The following C19orf84 variants were observed in gnomAD, a reference collection of about 807,000 sequenced individuals.
C19orf84 encodes the protein chromosome 19 open reading frame 84, also known as piRNA-mediated silencing protein C19orf84.
A neutral mutation model predicts 4.0 loss-of-function variants in C19orf84; 1 was observed. That is an observed-to-expected ratio of 0.25 (90% confidence interval 0.09 to 1.19). The LOEUF is 1.19. Ranked by LOEUF, C19orf84 falls within the 50% of genes most tolerant of loss-of-function variation. The pLI is 0.50. For synonymous variants in C19orf84, 123 were observed against 109.6 expected (o/e 1.12, Z -0.76); for missense variants, 224 against 246.8 (o/e 0.91, Z 0.62).
At chr19:51,390,449 C>T in intron 1 of C19orf84, 29 bp downstream of exon 1, 1 of 1,530,038 alleles carries the variant, frequency 6.5e-7, no homozygotes, top group African/African-American at 1.4e-5. Context: ...GTCTCTGTCC[C>T]CCTCTCAGGA....
chr19:51,388,761 G>GCC lies in C19orf84; in HGVS notation c.*222_*223insGG. 1.0e-5 allele frequency: 6 copies of GCC among 590,474 alleles called. 1 individual carries two copies. In the South Asian group the frequency reaches 1.2e-4, roughly 12 times the overall value. 36.6% of individuals were successfully genotyped at this position (590,474 alleles called of 1,614,324 possible). On this transcript the variant is annotated 3_prime_UTR_variant, in exon 2 of 2. Transcript: ENST00000574814. The stretch of plus-strand genomic sequence containing the variant: ...GGGGTTGAGGCCATCAAGGAGACAG[G>GCC]TTTGGGTACGAGGTTTAGGATTTTC...
Position 51,389,257 on chromosome 19 carries a change from C to G in C19orf84, c.288G>C (p.Pro96=), listed in dbSNP as rs557494220. The change falls in exon 2 of 2, where the codon CCG becomes CCC. Residue 96 remains proline, a synonymous_variant. Transcript: ENST00000574814. The surrounding 1 kb of genome is among the most constrained non-coding windows in gnomAD (Gnocchi z 4.7). ...CCCTGGGAGGCCTCCTAACTGCCCC[C>G]GGCTGGGAGTGGCCTGCCTGGGAGC... The part of the protein sequence containing the change: ...PCCSQAGHSQ[P]GAVRRPPRGR... 4 of 1,535,622 alleles carry G rather than the reference C, an allele frequency of 2.6e-6. No homozygotes were observed. Among genetic ancestry groups the G allele is most frequent in the Non-Finnish European group, 3.5e-6 (4 of 1,146,606 alleles).
chr19:51,390,463 CTT>C lies in C19orf84; in HGVS notation c.35+13_35+14del. ...GGTCTCTGTCCCCCTCTCAGGAGGT[CTT>C]TGTTTGTCTCACCCTTCAGGCCCAG... On this transcript the variant is annotated intron_variant, in intron 1 of 1. Transcript: ENST00000574814. 1 of 1,532,770 alleles carries C rather than the reference CTT, an allele frequency of 6.5e-7. No individual in the cohort carries two copies. Among genetic ancestry groups the C allele is most frequent in the Non-Finnish European group, 8.7e-7 (1 of 1,145,076 alleles). 94.9% of individuals were successfully genotyped at this position (1,532,770 alleles called of 1,614,324 possible).
intron 1 of C19orf84, 96 bp downstream of exon 1, chr19:51,390,382 C>A (rs1430209173): frequency 4.2e-5 from 51 of 1,227,832 alleles, no homozygotes; most frequent in Non-Finnish European, 5.5e-5. Flanking sequence ...ATTCTCTATG[C>A]AGGTCTGTTC....
In C19orf84 at chr19:51,389,671, C is replaced by T. The variant is rs930905378; in HGVS notation, c.36-162G>A. Among the ~76,000 whole-genome samples the T allele has an allele frequency of 6.6e-6, 1 of 152,192 alleles. No individual in the cohort carries two copies. The highest frequency in any genetic ancestry group is 2.4e-5 in the African/African-American group (1 of 41,444). On this transcript the variant is annotated intron_variant, in intron 1 of 1. Transcript: ENST00000574814. This position sits in a 1 kb window ranked among gnomAD's most constrained non-coding sequence, Gnocchi z 4.7. ...CGCTTCTCTCTTTTTGTTTCTAACC[C>T]GGGTCTCTCTAAAGAAACAGACAGC...
In C19orf84 at chr19:51,389,052, C is replaced by G; in HGVS notation, c.493G>C (p.Glu165Gln). 1 of 1,532,330 alleles carries G rather than the reference C, an allele frequency of 6.5e-7. No individual in the cohort carries two copies. The highest frequency in any genetic ancestry group is 8.7e-7 in the Non-Finnish European group (1 of 1,144,868). The allele number at this position is 1,532,330 out of a possible 1,614,324, so 94.9% of individuals were successfully genotyped here. ...AGGGGTGGCTCTGGACCTCGAGCTT[C>G]TTTCTTCCCATCCTGGGCAGGCAGT... ...PTLPAQDGKKEARGPEPPLET... is the reference protein window; with the variant it reads ...PTLPAQDGKKQARGPEPPLET... The change falls in exon 2 of 2, where the codon GAA becomes CAA. Residue 165 changes from glutamate (E) to glutamine (Q), a missense_variant. Glu to Gln is a conservative substitution (Grantham distance 29). Transcript: ENST00000574814. This position sits in a 1 kb window ranked among gnomAD's most constrained non-coding sequence, Gnocchi z 4.7.
At position 51,388,913 on chromosome 19, in the gene C19orf84, T is replaced by G; in HGVS notation, c.*71A>C. The G allele has an allele frequency of 3.1e-5, 45 of 1,470,234 alleles. No individual in the cohort carries two copies. Among genetic ancestry groups the G allele is most frequent in the Non-Finnish European group, 3.7e-5 (41 of 1,095,076 alleles). 91.1% of individuals were successfully genotyped at this position (1,470,234 alleles called of 1,614,324 possible). ...TTTCTTGGGGTTCTTCTGACAGGGC[T>G]GAGATCACTCTGGGCCCCAGGAAAA... is the stretch of plus-strand genomic sequence containing the variant. On this transcript the variant is annotated 3_prime_UTR_variant, in exon 2 of 2. Coordinates refer to ENST00000574814, the MANE Select transcript of C19orf84 (RefSeq NM_001193623.2).
chr19:51,390,589 G>T lies in C19orf84; in HGVS notation c.-77C>A, dbSNP rs746870046. The T allele has an allele frequency of 6.8e-7, 1 of 1,464,104 alleles. No homozygotes were observed. The highest frequency in any genetic ancestry group is 9.1e-7 in the Non-Finnish European group (1 of 1,099,120). The allele number at this position is 1,464,104 out of a possible 1,614,324, so 90.7% of individuals were successfully genotyped here. Reference sequence around the variant, plus strand: ...TTCGGGGGCCCGGGAAGGTTGGGGAGGGGCCGAGGCCGAGAGAGGCGGGGC... The same window carrying T: ...TTCGGGGGCCCGGGAAGGTTGGGGATGGGCCGAGGCCGAGAGAGGCGGGGC... On this transcript the variant is annotated 5_prime_UTR_variant, in exon 1 of 2. Transcript: ENST00000574814.
chr19:51,389,374 C>T lies in C19orf84; in HGVS notation c.171G>A (p.Val57=). ...GLPESVASVT[V]PIRLDTLSCL... ...AGGAGAGGGTGTCCAGGCGTATGGG[C>T]ACGGTGACAGAGGCCACGCTCTCCG... The change falls in exon 2 of 2, where the codon GTG becomes GTA. Residue 57 remains valine (V), a synonymous_variant. Coordinates refer to ENST00000574814, the MANE Select transcript of C19orf84 (RefSeq NM_001193623.2). The surrounding 1 kb of genome is among the most constrained non-coding windows in gnomAD (Gnocchi z 4.7). 1.3e-6 allele frequency: 2 copies of T among 1,516,524 alleles called. No homozygotes were observed. The highest frequency in any genetic ancestry group is 2.1e-5 in the Admixed American group (1 of 48,064). The allele number at this position is 1,516,524 out of a possible 1,614,324, so 93.9% of individuals were successfully genotyped here.
Position 51,389,046 on chromosome 19 carries a change from G to A in C19orf84, c.499C>T (p.Arg167Ter). ...LPAQDGKKEA[R>*]GPEPPLETPL... ...GTTTCCAGGGGTGGCTCTGGACCTC[G>A]AGCTTCTTTCTTCCCATCCTGGGCA... The change falls in exon 2 of 2, where the codon CGA becomes TGA. Residue 167 changes from arginine (R) to a stop codon, truncating the protein, a stop_gained. Coordinates refer to ENST00000574814, the MANE Select transcript of C19orf84 (RefSeq NM_001193623.2). LOFTEE classifies it low-confidence loss of function (END_TRUNC). This position sits in a 1 kb window ranked among gnomAD's most constrained non-coding sequence, Gnocchi z 4.7. 1.3e-6 allele frequency: 2 copies of A among 1,535,884 alleles called. No homozygotes were observed. The highest frequency in any genetic ancestry group is 2.0e-5 in the Admixed American group (1 of 50,990).
In C19orf84 at chr19:51,389,522, A is replaced by T; in HGVS notation, c.36-13T>A. The T allele has an allele frequency of 7.1e-7, 1 of 1,412,020 alleles. No individual in the cohort carries two copies. 87.5% of individuals were successfully genotyped at this position (1,412,020 alleles called of 1,614,324 possible). A position where few individuals can be genotyped will look rare whatever the true frequency, so the allele number is the denominator to read the frequency against. On this transcript the variant is annotated splice_polypyrimidine_tract_variant and intron_variant, in intron 1 of 1. Coordinates refer to ENST00000574814, the MANE Select transcript of C19orf84 (RefSeq NM_001193623.2). The surrounding 1 kb of genome is among the most constrained non-coding windows in gnomAD (Gnocchi z 4.7). ...GGACAGGTTGTTCCTAGAACAACAA[A>T]AAGACAGGTCAGTGGGGCTCAGCGT...
At chr19:51,390,447 C>G in intron 1 of C19orf84, 31 bp downstream of exon 1, 2 of 1,528,840 alleles carry the variant, frequency 1.3e-6, no homozygotes, top group Non-Finnish European at 8.7e-7. Context: ...GGGTCTCTGT[C>G]CCCCTCTCAG....
chr19:51,388,906 A>T lies in C19orf84; in HGVS notation c.*78T>A, dbSNP rs370473224. On this transcript the variant is annotated 3_prime_UTR_variant, in exon 2 of 2. Transcript: ENST00000574814. ...GAAGATGTTTCTTGGGGTTCTTCTG[A>T]CAGGGCTGAGATCACTCTGGGCCCC... is the stretch of plus-strand genomic sequence containing the variant. 316 of 1,454,642 alleles carry T rather than the reference A, an allele frequency of 2.2e-4. 3 individuals carry two copies. The African/African-American group carries it at 4.0e-3, about 18-fold the overall frequency. The allele number at this position is 1,454,642 out of a possible 1,614,324, so 90.1% of individuals were successfully genotyped here.
Position 51,389,744 on chromosome 19 carries a change from T to C in C19orf84, c.36-235A>G, listed in dbSNP as rs1391328274. Among the ~76,000 whole-genome samples, 3 of 152,192 alleles carry C rather than the reference T, an allele frequency of 2.0e-5. No homozygotes were observed. Among genetic ancestry groups the C allele is most frequent in the Non-Finnish European group, 4.4e-5 (3 of 68,026 alleles). ...GACAGAACTCAGTTCCAATTCCTGG[T>C]GGCCTCGCTTTTGGTGGTGTATCTT... On this transcript the variant is annotated intron_variant, in intron 1 of 1. Coordinates refer to ENST00000574814, the MANE Select transcript of C19orf84 (RefSeq NM_001193623.2). This position sits in a 1 kb window ranked among gnomAD's most constrained non-coding sequence, Gnocchi z 4.7.
rs775790732 is a variant in C19orf84, at chr19:51,389,031, G to A, written c.514C>T (p.Pro172Ser). Reference sequence around the variant, plus strand: ...TCAGCAGCCAGTGGTGTTTCCAGGGGTGGCTCTGGACCTCGAGCTTCTTTC... The same window carrying A: ...TCAGCAGCCAGTGGTGTTTCCAGGGATGGCTCTGGACCTCGAGCTTCTTTC... ...GKKEARGPEP[P>S]LETPLAAEDW... The change falls in exon 2 of 2, where the codon CCC (proline) becomes TCC (serine). Residue 172 changes from proline to serine, a missense_variant. Pro to Ser is a moderately conservative substitution (Grantham distance 74). Coordinates refer to ENST00000574814, the MANE Select transcript of C19orf84 (RefSeq NM_001193623.2). The surrounding 1 kb of genome is among the most constrained non-coding windows in gnomAD (Gnocchi z 4.7). 2.0e-6 allele frequency: 3 copies of A among 1,535,952 alleles called. No homozygotes were observed. The highest frequency in any genetic ancestry group is 1.4e-5 in the African/African-American group (1 of 73,008).
At position 51,389,270 on chromosome 19, in the gene C19orf84, C is replaced by A; in HGVS notation, c.275G>T (p.Gly92Val). The A allele has an allele frequency of 6.5e-7, 1 of 1,535,804 alleles. No individual in the cohort carries two copies. Among genetic ancestry groups the A allele is most frequent in the Non-Finnish European group, 8.7e-7 (1 of 1,146,710 alleles). The change falls in exon 2 of 2, where the codon GGC (glycine) becomes GTC (valine). Residue 92 changes from glycine to valine, a missense_variant. Coordinates refer to ENST00000574814, the MANE Select transcript of C19orf84 (RefSeq NM_001193623.2). The surrounding 1 kb of genome is among the most constrained non-coding windows in gnomAD (Gnocchi z 4.7). Reference sequence around the variant, plus strand: ...CCTAACTGCCCCCGGCTGGGAGTGGCCTGCCTGGGAGCAGCAGGGGCAAGA... The same window carrying A: ...CCTAACTGCCCCCGGCTGGGAGTGGACTGCCTGGGAGCAGCAGGGGCAAGA... ...LPSCPCCSQA[G>V]HSQPGAVRRP...
rs3810094 is a variant in C19orf84 at position 51,389,558 on chromosome 19, T to C, written c.36-49A>G. On this transcript the variant is annotated intron_variant, in intron 1 of 1. Transcript: ENST00000574814. The surrounding 1 kb of genome is among the most constrained non-coding windows in gnomAD (Gnocchi z 4.7). ...AGTGGGGCTCAGCGTCTCCGTACTTTCTTGTTTCTCGCTGCCAGGCTGTCT... is the reference window on the plus strand; with the variant it reads ...AGTGGGGCTCAGCGTCTCCGTACTTCCTTGTTTCTCGCTGCCAGGCTGTCT... The C allele has an allele frequency of 0.18, 247,344 of 1,347,996 alleles. 27,821 individuals carry two copies. Among genetic ancestry groups the C allele is most frequent in the African/African-American group, 0.5 (33,755 of 67,084 alleles). 83.5% of individuals were successfully genotyped at this position (1,347,996 alleles called of 1,614,324 possible). A position where few individuals can be genotyped will look rare whatever the true frequency, so the allele number is the denominator to read the frequency against.
At chr19:51,390,145 A>AT (rs1232561282) in intron 1 of C19orf84, among the ~76,000 whole-genome samples, 1 of 151,752 alleles carries the variant, frequency 6.6e-6, no homozygotes, top group Non-Finnish European at 1.5e-5. Context: ...CGCCCGTCTA[A>AT]TTTTGTATTT....
Position 51,389,647 on chromosome 19 carries a change from G to C in C19orf84, c.36-138C>G. On this transcript the variant is annotated intron_variant, in intron 1 of 1. Coordinates refer to ENST00000574814, the MANE Select transcript of C19orf84 (RefSeq NM_001193623.2). This position sits in a 1 kb window ranked among gnomAD's most constrained non-coding sequence, Gnocchi z 4.7. ...GTGCCCACCTGTGACTTCCTCCCCC[G>C]CTTCTCTCTTTTTGTTTCTAACCCG... The C allele has an allele frequency of 1.6e-6, 1 of 623,848 alleles. No homozygotes were observed. The highest frequency in any genetic ancestry group is 2.4e-6 in the Non-Finnish European group (1 of 423,862). 38.6% of individuals were successfully genotyped at this position (623,848 alleles called of 1,614,324 possible).
Sources: gnomAD v4.1 joint callset for allele counts (sites outside exome capture counted in the v4.1 genomes callset) on GRCh38, gnomAD v4.1.1 for gene constraint, Gnocchi (gnomAD v3.1) non-coding constraint, MANE v1.5 for transcripts, NCBI Gene and HGNC (gene_info 2026-07-23, HGNC 2026-07-21) for gene names.